NOS1AP: variants seen among roughly 807,000 people sequenced by gnomAD.
NOS1AP encodes the protein nitric oxide synthase 1 adaptor protein.
NOS1AP carries 21 observed loss-of-function variants against 56.2 expected under a neutral mutation model. The observed-to-expected ratio is 0.37, with a 90% confidence interval of 0.26 to 0.54. The LOEUF (loss-of-function observed/expected upper bound fraction) is 0.54, where lower values mean the gene tolerates loss of function less well. Ranked by LOEUF, NOS1AP falls within the 20% of genes least tolerant of loss-of-function variation. NOS1AP has a pLI of 0.84. For synonymous variants in NOS1AP, 270 were observed against 274.6 expected (o/e 0.98, Z 0.17); for missense variants, 522 against 657.8 (o/e 0.79, Z 2.26).
In NOS1AP at chr1:162,112,242, G is replaced by A. The variant is rs182595018; in HGVS notation, c.105+41960G>A. 7.9e-4 allele frequency among the ~76,000 whole-genome samples: 121 copies of A among 152,298 alleles called. 1 individual carries two copies. Among genetic ancestry groups the A allele is most frequent in the Admixed American group, 2.3e-3 (35 of 15,308 alleles). The stretch of plus-strand genomic sequence containing the variant: ...TAGTTGTATTCTCCGAAGACTTGCT[G>A]TACTTTAACATTTTTACTTGGCATG... On this transcript the variant is annotated intron_variant, in intron 1 of 9. Transcript: ENST00000361897.
intron 2 of NOS1AP, among the ~76,000 whole-genome samples, chr1:162,226,869 A>G (rs1652961640): frequency 6.6e-6 from 1 of 151,502 alleles, no homozygotes; most frequent in South Asian, 2.1e-4. Flanking sequence ...CTCTTTGATG[A>G]CAGGCCTTGG....
chr1:162,136,222 T>C (rs900409220), intron 1 of NOS1AP, among the ~76,000 whole-genome samples: 1 of 152,178 alleles, frequency 6.6e-6, no homozygotes, highest in African/African-American at 2.4e-5. Context: ...AGAGGTATAA[T>C]AAAGAAAGGT....
At chr1:162,077,789 C>A (rs1691802362) in intron 1 of NOS1AP, among the ~76,000 whole-genome samples, 1 of 150,122 alleles carries the variant, frequency 6.7e-6, no homozygotes, top group South Asian at 2.1e-4. Context: ...AATACCTCTT[C>A]TTTCCACCTC....
chr1:162,147,134 C>T (rs1649496065), intron 1 of NOS1AP, among the ~76,000 whole-genome samples: 1 of 151,914 alleles, frequency 6.6e-6, no homozygotes, highest in Non-Finnish European at 1.5e-5. Flanking sequence ...TTGAGACCAT[C>T]CTGGCTAACA....
At chr1:162,090,949 TG>T (rs1692114930) in intron 1 of NOS1AP, among the ~76,000 whole-genome samples, 1 of 152,224 alleles carries the variant, frequency 6.6e-6, no homozygotes, top group South Asian at 2.1e-4. Context: ...GATTTGACCT[TG>T]TTACTTTTCT....
chr1:162,324,702 T>G (rs1373523210), intron 4 of NOS1AP, among the ~76,000 whole-genome samples: 1 of 152,192 alleles, frequency 6.6e-6, no homozygotes, highest in Admixed American at 6.5e-5. Context: ...CTCAATTGGT[T>G]GCTTATTCGT....
intron 6 of NOS1AP, among the ~76,000 whole-genome samples, chr1:162,347,642 C>T (rs1302662529): frequency 6.6e-6 from 1 of 152,200 alleles, no homozygotes; most frequent in Non-Finnish European, 1.5e-5. Context: ...GCTGCTCTCT[C>T]CTTGCACTTC....
chr1:162,146,849 G>T (rs1368461652), intron 1 of NOS1AP, among the ~76,000 whole-genome samples: 2 of 152,100 alleles, frequency 1.3e-5, no homozygotes, highest in Non-Finnish European at 2.9e-5. Context: ...AGCCAATATT[G>T]ATACATTATT....
intron 3 of NOS1AP, among the ~76,000 whole-genome samples, chr1:162,289,933 C>T (rs1457349031): frequency 6.6e-6 from 1 of 152,176 alleles, no homozygotes; most frequent in African/African-American, 2.4e-5. Flanking sequence ...ACTGTCTCTC[C>T]CATGTACCTT....
At chr1:162,191,918 A>G (rs1416830411) in intron 2 of NOS1AP, among the ~76,000 whole-genome samples, 7 of 152,066 alleles carry the variant, frequency 4.6e-5, no homozygotes, top group Admixed American at 4.6e-4. Context: ...GTTGGTGCTG[A>G]GCTAGGGGGT....
chr1:162,070,814 G>A (rs1466551006), intron 1 of NOS1AP, among the ~76,000 whole-genome samples: 1 of 151,996 alleles, frequency 6.6e-6, no homozygotes, highest in Non-Finnish European at 1.5e-5. Context: ...TGGCTAATTT[G>A]CCAGACTCCT....
intron 2 of NOS1AP, among the ~76,000 whole-genome samples, chr1:162,179,781 T>C (rs545353608): frequency 3.7e-4 from 56 of 152,268 alleles, no homozygotes; most frequent in African/African-American, 1.3e-3. Context: ...AATAAGATCA[T>C]GAAGGCGCTG....
intron 1 of NOS1AP, among the ~76,000 whole-genome samples, chr1:162,111,716 A>G (rs1647717445): frequency 6.6e-6 from 1 of 152,254 alleles, no homozygotes; most frequent in South Asian, 2.1e-4. Context: ...ATGCCTGCCA[A>G]ATACAAGGAG....
At chr1:162,287,528 G>A in intron 3 of NOS1AP, 92 bp downstream of exon 3, 3 of 843,038 alleles carry the variant, frequency 3.6e-6, no homozygotes, top group Non-Finnish European at 6.3e-6. Context: ...CCTCCAGAGA[G>A]AATCCCTCCC....
chr1:162,144,394 AG>A (rs1338590372), intron 1 of NOS1AP, among the ~76,000 whole-genome samples: 2 of 152,230 alleles, frequency 1.3e-5, no homozygotes, highest in African/African-American at 4.8e-5. Context: ...GTGAAGGGTT[AG>A]ATCAAATCAC....
At chr1:162,097,996 A>G (rs949128207) in intron 1 of NOS1AP, among the ~76,000 whole-genome samples, 18 of 150,362 alleles carry the variant, frequency 1.2e-4, no homozygotes, top group African/African-American at 4.4e-4. Context: ...TCTTTATGAT[A>G]TTTAGTCTTT....
Position 162,114,736 on chromosome 1 carries a change from G to A in NOS1AP, c.106-39669G>A, listed in dbSNP as rs140238236. ...AAGTCAATCCCAGTGGTCTCATCGG[G>A]ACCTGCCTACCTGCAGCATCGTGTT... On this transcript the variant is annotated intron_variant, in intron 1 of 9. Coordinates refer to ENST00000361897, the MANE Select transcript of NOS1AP (RefSeq NM_014697.3). 6.6e-5 allele frequency among the ~76,000 whole-genome samples: 10 copies of A among 152,286 alleles called. No individual in the cohort carries two copies. The East Asian group carries it at 1.9e-3, about 29-fold the overall frequency.
At chr1:162,354,794 T>C (rs1657641926) in intron 6 of NOS1AP, among the ~76,000 whole-genome samples, 1 of 152,238 alleles carries the variant, frequency 6.6e-6, no homozygotes. Flanking sequence ...CAGCAGTTTA[T>C]TGGAGGCCCA....
At chr1:162,131,370 C>G (rs1206414994) in intron 1 of NOS1AP, among the ~76,000 whole-genome samples, 1 of 151,664 alleles carries the variant, frequency 6.6e-6, no homozygotes, top group East Asian at 2.0e-4. Flanking sequence ...CCTAATATCT[C>G]TATGCTCCCC....
Sources: gnomAD v4.1 joint callset for allele counts (sites outside exome capture counted in the v4.1 genomes callset) on GRCh38, gnomAD v4.1.1 for gene constraint, MANE v1.5 for transcripts, NCBI Gene and HGNC (gene_info 2026-07-23, HGNC 2026-07-21) for gene names.